The following KHDRBS2 variants were observed in gnomAD, a reference collection of about 807,000 sequenced individuals.
KHDRBS2 encodes KH domain-containing, RNA-binding, signal transduction-associated protein 2.
Under a neutral mutation model 44.3 loss-of-function variants are expected in KHDRBS2, and 26 were observed. The observed-to-expected ratio is 0.59, with a 90% CI of 0.43 to 0.81. The LOEUF (loss-of-function observed/expected upper bound fraction) is 0.81, where lower values mean the gene tolerates loss of function less well. KHDRBS2 is among the 40% of genes least tolerant of loss of function. The probability of loss-of-function intolerance (pLI) is 0.00; values close to 1 mark genes in which losing one functional copy is unlikely to be tolerated. For synonymous variants in KHDRBS2, 194 were observed against 151.1 expected (o/e 1.28, Z -2.08); for missense variants, 476 against 433.1 (o/e 1.10, Z -0.88).
chr6:61,957,714 A>T (rs1767717024), intron 4 of KHDRBS2, among the ~76,000 whole-genome samples: 2 of 152,150 alleles, frequency 1.3e-5, no homozygotes, highest in Admixed American at 6.5e-5. Context: ...ATTTTGCCCC[A>T]GTCCTATGGT....
At chr6:62,279,481 G>T (rs1448879789) in intron 1 of KHDRBS2, among the ~76,000 whole-genome samples, 1 of 152,150 alleles carries the variant, frequency 6.6e-6, no homozygotes, top group Admixed American at 6.5e-5. Context: ...CTACATATAA[G>T]ACTGAAGGCA....
chr6:61,576,497 A>C, the KHDRBS2 span, among the ~76,000 whole-genome samples: 1 of 152,112 alleles, frequency 6.6e-6, no homozygotes, highest in Admixed American at 6.6e-5. Flanking sequence ...TCTAAGTATA[A>C]GATCATATCA....
chr6:61,546,321 C>T, the KHDRBS2 span, among the ~76,000 whole-genome samples: 1 of 151,338 alleles, frequency 6.6e-6, no homozygotes, highest in Non-Finnish European at 1.5e-5. Flanking sequence ...TTAAGAAAAA[C>T]AAAACTTTAT....
the KHDRBS2 span, among the ~76,000 whole-genome samples, chr6:61,554,710 C>T: frequency 1.5e-4 from 23 of 152,250 alleles, no homozygotes; most frequent in African/African-American, 4.6e-4. Flanking sequence ...CTCGTGACAG[C>T]AAAATCCGAT....
At chr6:61,586,469 T>A in the KHDRBS2 span, among the ~76,000 whole-genome samples, 3 of 152,174 alleles carry the variant, frequency 2.0e-5, no homozygotes, top group Non-Finnish European at 4.4e-5. Context: ...TCTCTCTAAG[T>A]GGCTCTAATA....
chr6:61,706,492 G>A (rs761556525), intron 7 of KHDRBS2, among the ~76,000 whole-genome samples: 1 of 151,700 alleles, frequency 6.6e-6, no homozygotes, highest in Non-Finnish European at 1.5e-5. Flanking sequence ...TAAGAAGACT[G>A]GAAACTATGC....
chr6:61,600,857 C>A, the KHDRBS2 span, among the ~76,000 whole-genome samples: 1 of 152,194 alleles, frequency 6.6e-6, no homozygotes, highest in Non-Finnish European at 1.5e-5. Flanking sequence ...ATCTTGGCAA[C>A]ATCTTTCAAT....
chr6:62,280,485 T>A (rs1422887038), intron 1 of KHDRBS2, among the ~76,000 whole-genome samples: 1 of 151,986 alleles, frequency 6.6e-6, no homozygotes, highest in Non-Finnish European at 1.5e-5. Context: ...TGATAAGGGG[T>A]CAGAAAAAAT....
At chr6:61,920,090 C>T (rs1330273867) in intron 4 of KHDRBS2, among the ~76,000 whole-genome samples, 1 of 151,828 alleles carries the variant, frequency 6.6e-6, no homozygotes, top group Admixed American at 6.6e-5. Context: ...TGCTTAATTT[C>T]ATGATAAAAT....
chr6:62,176,516 T>C (rs1468914241), intron 2 of KHDRBS2, among the ~76,000 whole-genome samples: 8 of 151,294 alleles, frequency 5.3e-5, no homozygotes, highest in Admixed American at 5.3e-4. Context: ...CTTGAATCTT[T>C]GAGTTTACAT....
chr6:61,671,196 T>A, the KHDRBS2 span, among the ~76,000 whole-genome samples: 1 of 151,802 alleles, frequency 6.6e-6, no homozygotes, highest in East Asian at 2.0e-4. Context: ...TAAGTCATCC[T>A]GAGAGGCATC....
chr6:61,570,339 G>C, the KHDRBS2 span, among the ~76,000 whole-genome samples: 1 of 151,720 alleles, frequency 6.6e-6, no homozygotes, highest in Non-Finnish European at 1.5e-5. Flanking sequence ...TCAAAGACAA[G>C]GTTTTTAAAT....
At chr6:61,963,730 C>T (rs187777241) in intron 4 of KHDRBS2, among the ~76,000 whole-genome samples, 47 of 152,148 alleles carry the variant, frequency 3.1e-4, no homozygotes, top group Non-Finnish European at 5.7e-4. Flanking sequence ...ACATAGCCGG[C>T]AGGATTTTAC....
intron 2 of KHDRBS2, among the ~76,000 whole-genome samples, chr6:62,167,388 T>A (rs572913201): frequency 2.0e-5 from 3 of 151,836 alleles, no homozygotes; most frequent in African/African-American, 7.2e-5. Context: ...AATGGAAAAA[T>A]AATATTTGAA....
chr6:61,759,244 C>T (rs1177337061), intron 6 of KHDRBS2, among the ~76,000 whole-genome samples: 1 of 152,076 alleles, frequency 6.6e-6, no homozygotes, highest in South Asian at 2.1e-4. Flanking sequence ...ATGAGAGATA[C>T]TGATCCATGA....
At chr6:62,210,357 TCTCGCTC>T in intron 1 of KHDRBS2, among the ~76,000 whole-genome samples, 1 of 145,872 alleles carries the variant, frequency 6.9e-6, no homozygotes. Flanking sequence ...CAAGACGAAG[TCTCGCTC>T]TTGTCCCCTA....
intron 6 of KHDRBS2, among the ~76,000 whole-genome samples, chr6:61,742,076 T>C (rs1323251953): frequency 6.6e-6 from 1 of 151,956 alleles, no homozygotes; most frequent in Non-Finnish European, 1.5e-5. Context: ...ATTCTATAAT[T>C]AAGTAATTTA....
intron 2 of KHDRBS2, among the ~76,000 whole-genome samples, chr6:62,121,310 C>A (rs147215870): frequency 6.6e-6 from 1 of 152,322 alleles, no homozygotes; most frequent in Non-Finnish European, 1.5e-5. Flanking sequence ...GGAGCGATTG[C>A]AAAGATTAGT....
chr6:61,852,049 G>A (rs191700356), intron 6 of KHDRBS2, among the ~76,000 whole-genome samples: 113 of 151,434 alleles, frequency 7.5e-4, no homozygotes, highest in Admixed American at 2.3e-3. Flanking sequence ...TGGTGAAACC[G>A]CATCTCTACT....
Sources: allele counts gnomAD v4.1 joint callset (sites outside exome capture counted in the v4.1 genomes callset), GRCh38; gene constraint gnomAD v4.1.1; transcripts MANE v1.5; gene names NCBI Gene and HGNC (gene_info 2026-07-23, HGNC 2026-07-21).